Variants in PCDHGA5 observed in about 807,000 individuals in gnomAD.
PCDHGA5 encodes protocadherin gamma subfamily A, 5.
In PCDHGA5, 36 loss-of-function variants were observed where a neutral mutation model predicts 56.7. The observed-to-expected ratio is 0.64, with a 90% CI of 0.49 to 0.84. The LOEUF is 0.84. PCDHGA5 is among the 40% of genes least tolerant of loss of function. The probability of loss-of-function intolerance (pLI) is 0.00; values close to 1 mark genes in which losing one functional copy is unlikely to be tolerated. For synonymous variants in PCDHGA5, 563 were observed against 520.2 expected, an observed-to-expected ratio of 1.08 and a Z score of -1.12; for missense variants, 1,305 against 1,201.5, an observed-to-expected ratio of 1.09 and a Z score of -1.27.
intron 1 of PCDHGA5, among the ~76,000 whole-genome samples, chr5:141,492,409 C>A (rs1367119266): frequency 6.6e-6 from 1 of 152,230 alleles, no homozygotes; most frequent in Non-Finnish European, 1.5e-5. Flanking sequence ...TCCCCTCTGC[C>A]GCTCCCTCCG....
rs1007318194 is a variant in PCDHGA5, at chr5:141,512,035, T to G, written c.*862T>G. On this transcript the variant is annotated 3_prime_UTR_variant, in exon 4 of 4. Coordinates refer to ENST00000518069, the MANE Select transcript of PCDHGA5 (RefSeq NM_018918.3). ...AAGTTATCAAGGCCTTGGAGGAGGC[T>G]CTGTATGTCCTCAGGGGACTGACAA... 1.3e-5 allele frequency: 2 copies of G among 152,870 alleles called. No individual in the cohort carries two copies. Among genetic ancestry groups the G allele is most frequent in the African/African-American group, 4.8e-5 (2 of 41,464 alleles). The allele number at this position is 152,870 out of a possible 1,614,324, so 9.5% of individuals were successfully genotyped here.
chr5:141,366,149 C>T lies in PCDHGA5; in HGVS notation c.1819C>T (p.Arg607Cys), dbSNP rs532159175. The stretch of plus-strand genomic sequence containing the variant: ...AGGCCAGAACGCCTGGCTGTCCTAC[C>T]GCCTGCTTAAGGCCAGCGAGCCAGG... ...DSGQNAWLSYRLLKASEPGLF... is the reference protein window; with the variant it reads ...DSGQNAWLSYCLLKASEPGLF... Residue 607 changes from arginine (R) to cysteine (C), a missense_variant, in exon 1 of 4, where the codon CGC becomes TGC. By Grantham distance (180) the Arg-to-Cys change is radical. Transcript: ENST00000518069. 9.9e-6 allele frequency: 16 copies of T among 1,614,042 alleles called. No homozygotes were observed. In the South Asian group the frequency reaches 1.5e-4, roughly 16 times the overall value.
intron 1 of PCDHGA5, among the ~76,000 whole-genome samples, chr5:141,448,869 T>C (rs1375609555): frequency 6.6e-6 from 1 of 151,930 alleles, no homozygotes; most frequent in Non-Finnish European, 1.5e-5. Flanking sequence ...GGCGTGAACC[T>C]GGGAGGCGGA....
rs980172909 is a variant in PCDHGA5, at chr5:141,485,917, G to A, written c.2422-8890G>A. On this transcript the variant is annotated intron_variant, in intron 1 of 3. Transcript: ENST00000518069. The surrounding 1 kb of genome is among the most constrained non-coding windows in gnomAD (Gnocchi z 5.7). ...CAGCCTTCCAGCAATCCAGCTACAGGATTAGTGTGTTGGAGAGCGCACCAG... is the reference window on the plus strand; with the variant it reads ...CAGCCTTCCAGCAATCCAGCTACAGAATTAGTGTGTTGGAGAGCGCACCAG... The A allele has an allele frequency of 2.6e-5, 42 of 1,614,078 alleles. No homozygotes were observed. Among genetic ancestry groups the A allele is most frequent in the Non-Finnish European group, 3.5e-5 (41 of 1,180,050 alleles).
chr5:141,418,681 C>T (rs778899235), intron 1 of PCDHGA5: 2 of 1,614,052 alleles, frequency 1.2e-6, no homozygotes, highest in Non-Finnish European at 1.7e-6. Flanking sequence ...AGGGCATCAA[C>T]TCAGAGATCA....
At chr5:141,385,066 C>G in intron 1 of PCDHGA5, 1 of 1,614,194 alleles carries the variant, frequency 6.2e-7, no homozygotes, top group Non-Finnish European at 8.5e-7. Context: ...GCACAAGTCA[C>G]GCCTGCTGCA....
chr5:141,398,009 C>G (rs1589315775), intron 1 of PCDHGA5: 1 of 1,400,564 alleles, frequency 7.1e-7, no homozygotes, highest in Non-Finnish European at 9.5e-7. Context: ...GAAAAAGAAT[C>G]GTTTCCTAAA....
At chr5:141,384,308 C>T in intron 1 of PCDHGA5, 1 of 1,613,854 alleles carries the variant, frequency 6.2e-7, no homozygotes, top group Non-Finnish European at 8.5e-7. Context: ...AGAGGGGCCT[C>T]CATTTTCTTA....
intron 1 of PCDHGA5, chr5:141,387,676 G>C: frequency 2.7e-6 from 2 of 732,232 alleles, no homozygotes; most frequent in Non-Finnish European, 4.3e-6. Context: ...AGATCTCCTC[G>C]CGCAGCCGCA....
rs1219321287 is a variant in PCDHGA5, at chr5:141,366,646, G to A, written c.2316G>A (p.Gln772=). The change falls in exon 1 of 4, where the codon CAG becomes CAA. Residue 772 remains glutamine, a synonymous_variant. Coordinates refer to ENST00000518069, the MANE Select transcript of PCDHGA5 (RefSeq NM_018918.3). ...DSRKSHLIFP[Q]PNYADTLLSE... ...GGAAGAGTCACCTGATCTTTCCCCA[G>A]CCCAACTACGCAGACACGCTCCTTA... 6.2e-7 allele frequency: 1 copy of A among 1,614,248 alleles called. No homozygotes were observed. The highest frequency in any genetic ancestry group is 8.5e-7 in the Non-Finnish European group (1 of 1,180,044).
In PCDHGA5 at chr5:141,415,753, T is replaced by G. The variant is rs763784703; in HGVS notation, c.2421+49002T>G. On this transcript the variant is annotated intron_variant, in intron 1 of 3. Transcript: ENST00000518069. The stretch of plus-strand genomic sequence containing the variant: ...ATGTTTATTAAGGTTTTTTTTTTTT[T>G]TTTTTTTTTTTTTTTTTTTACTTTC... 6.3e-5 allele frequency: 87 copies of G among 1,381,374 alleles called. 1 individual carries two copies. The highest frequency in any genetic ancestry group is 3.3e-4 in the Admixed American group (10 of 29,906). 85.6% of individuals were successfully genotyped at this position (1,381,374 alleles called of 1,614,324 possible).
In PCDHGA5 at chr5:141,413,416, C is replaced by G. The variant is rs893515703; in HGVS notation, c.2421+46665C>G. ...CAGAGGTAGGACGCAGCTTTTCTCT[C>G]TGAACCCGCGCAGCGGCAGCTTGAT... On this transcript the variant is annotated intron_variant, in intron 1 of 3. Transcript: ENST00000518069. 1 of 1,614,100 alleles carries G rather than the reference C, an allele frequency of 6.2e-7. No individual in the cohort carries two copies. Among genetic ancestry groups the G allele is most frequent in the Admixed American group, 1.7e-5 (1 of 60,034 alleles).
At chr5:141,374,035 A>G in intron 1 of PCDHGA5, 1 of 1,444,760 alleles carries the variant, frequency 6.9e-7, no homozygotes, top group Non-Finnish European at 9.1e-7. Context: ...AGTGATGCAG[A>G]TCTGTTCTTC....
At chr5:141,463,650 A>G (rs1206605758) in intron 1 of PCDHGA5, among the ~76,000 whole-genome samples, 1 of 151,746 alleles carries the variant, frequency 6.6e-6, no homozygotes, top group South Asian at 2.1e-4. Flanking sequence ...ACGGGGTTTC[A>G]CCGTGTTAGC....
At position 141,421,588 on chromosome 5, in the gene PCDHGA5, G is replaced by C; in HGVS notation, c.2421+54837G>C. 3 of 1,613,910 alleles carry C rather than the reference G, an allele frequency of 1.9e-6. No homozygotes were observed. The South Asian group carries it at 3.3e-5, about 18-fold the overall frequency. ...AGACACCTTGAAGATTTACGGAGTGGAGGTGGAAATAATAGATATTAATGA... is the reference window on the plus strand; with the variant it reads ...AGACACCTTGAAGATTTACGGAGTGCAGGTGGAAATAATAGATATTAATGA... On this transcript the variant is annotated intron_variant, in intron 1 of 3. Coordinates refer to ENST00000518069, the MANE Select transcript of PCDHGA5 (RefSeq NM_018918.3).
At chr5:141,407,961 A>C in intron 1 of PCDHGA5, 1 of 672,320 alleles carries the variant, frequency 1.5e-6, no homozygotes, top group Non-Finnish European at 2.4e-6. Context: ...AGTGCAGAGC[A>C]AGCGCTGACG....
Position 141,432,289 on chromosome 5 carries a change from C to T in PCDHGA5, c.2422-62518C>T, listed in dbSNP as rs762278053. ...CGTCCTACGTGTCCATCAACTCCGACACTGGGGTACTGTATGCGCTGAGCT... is the reference window on the plus strand; with the variant it reads ...CGTCCTACGTGTCCATCAACTCCGATACTGGGGTACTGTATGCGCTGAGCT... On this transcript the variant is annotated intron_variant, in intron 1 of 3. Coordinates refer to ENST00000518069, the MANE Select transcript of PCDHGA5 (RefSeq NM_018918.3). The surrounding 1 kb of genome is among the most constrained non-coding windows in gnomAD (Gnocchi z 6.0). The T allele has an allele frequency of 6.2e-7, 1 of 1,614,266 alleles. No homozygotes were observed. Among genetic ancestry groups the T allele is most frequent in the Admixed American group, 1.7e-5 (1 of 60,038 alleles).
intron 1 of PCDHGA5, chr5:141,376,469 G>A: frequency 6.2e-7 from 1 of 1,614,186 alleles, no homozygotes; most frequent in Non-Finnish European, 8.5e-7. Flanking sequence ...GATAACTCAG[G>A]ATTTACTTGA....
chr5:141,461,813 C>T (rs2099023751), intron 1 of PCDHGA5, among the ~76,000 whole-genome samples: 1 of 151,846 alleles, frequency 6.6e-6, no homozygotes, highest in African/African-American at 2.4e-5. Flanking sequence ...ACCACCACAC[C>T]CAGCTAATTT....
Sources: gnomAD v4.1 joint callset for allele counts (sites outside exome capture counted in the v4.1 genomes callset) on GRCh38, gnomAD v4.1.1 for gene constraint, Gnocchi (gnomAD v3.1) non-coding constraint, MANE v1.5 for transcripts, NCBI Gene and HGNC (gene_info 2026-07-23, HGNC 2026-07-21) for gene names.